ANKH: variants seen among roughly 807,000 people sequenced by gnomAD.
ANKH encodes the protein mineralization regulator ANKH.
ANKH carries 15 observed loss-of-function variants against 49.0 expected under a neutral mutation model. The ratio of observed to expected loss-of-function variants is 0.31; its 90% confidence interval spans 0.20 to 0.47. ANKH has a LOEUF of 0.47. Ranked by LOEUF, ANKH falls within the 20% of genes least tolerant of loss-of-function variation. The pLI is 1.00. For synonymous variants in ANKH, 273 were observed against 260.0 expected (o/e 1.05, Z -0.48); for missense variants, 429 against 652.0 (o/e 0.66, Z 3.72).
chr5:14,818,095 A>AC (rs397934751), intron 1 of ANKH, among the ~76,000 whole-genome samples: 2 of 149,420 alleles, frequency 1.3e-5, no homozygotes, highest in Admixed American at 6.7e-5. Flanking sequence ...AAAAAAAAAA[A>AC]CCCAATGGCT....
chr5:14,849,345 TC>T (rs1362892887), intron 1 of ANKH, among the ~76,000 whole-genome samples: 1 of 152,202 alleles, frequency 6.6e-6, no homozygotes, highest in African/African-American at 2.4e-5. Context: ...AAACTCAGGA[TC>T]CCTTAAAGCA....
Position 14,745,174 on chromosome 5 carries a change from C to T in ANKH, c.915+696G>A, listed in dbSNP as rs1288192901. ...TTCCTTCCTGTGTATCATTTTAAAA[C>T]ACTGTAGACTATTTTTGGAGTATGT... On this transcript the variant is annotated intron_variant, in intron 7 of 11. Transcript: ENST00000284268. This position sits in a 1 kb window ranked among gnomAD's most constrained non-coding sequence, Gnocchi z 4.7. Among the ~76,000 whole-genome samples the T allele has an allele frequency of 2.0e-5, 3 of 152,210 alleles. No individual in the cohort carries two copies. Among genetic ancestry groups the T allele is most frequent in the Non-Finnish European group, 4.4e-5 (3 of 68,038 alleles).
At chr5:14,784,350 G>A (rs1739904718) in intron 1 of ANKH, among the ~76,000 whole-genome samples, 1 of 152,188 alleles carries the variant, frequency 6.6e-6, no homozygotes, top group Non-Finnish European at 1.5e-5. Flanking sequence ...GAGACTGCCA[G>A]CCTGCCTGGT....
chr5:14,853,096 C>T (rs1483055084), intron 1 of ANKH, among the ~76,000 whole-genome samples: 1 of 152,090 alleles, frequency 6.6e-6, no homozygotes, highest in African/African-American at 2.4e-5. Context: ...GCCCTTGGCA[C>T]CAACCTCCCC....
At chr5:14,797,646 A>T in intron 1 of ANKH, 1 of 1,601,148 alleles carries the variant, frequency 6.2e-7, no homozygotes. Flanking sequence ...CCAAATCATC[A>T]GTTTCTGATC....
At chr5:14,828,971 G>A (rs1302838741) in intron 1 of ANKH, among the ~76,000 whole-genome samples, 1 of 152,110 alleles carries the variant, frequency 6.6e-6, no homozygotes, top group African/African-American at 2.4e-5. Context: ...CAGATCACGA[G>A]GTCAGCAGAT....
intron 8 of ANKH, among the ~76,000 whole-genome samples, chr5:14,717,886 GT>G (rs1737530006): frequency 6.6e-6 from 1 of 152,210 alleles, no homozygotes; most frequent in Non-Finnish European, 1.5e-5. Context: ...GCGCTCAAAA[GT>G]TTCAGATTTT....
At chr5:14,750,047 A>G (rs1738662095) in intron 5 of ANKH, among the ~76,000 whole-genome samples, 1 of 152,184 alleles carries the variant, frequency 6.6e-6, no homozygotes, top group Non-Finnish European at 1.5e-5. Flanking sequence ...GTCAAGACCA[A>G]TTTGTGGTTG....
intron 1 of ANKH, among the ~76,000 whole-genome samples, chr5:14,867,894 A>G (rs1306937808): frequency 6.6e-6 from 1 of 152,156 alleles, no homozygotes; most frequent in Non-Finnish European, 1.5e-5. Flanking sequence ...AGCTTTTTTT[A>G]GTACAAAATT....
chr5:14,871,529 GGGCGAGC>G lies in ANKH; in HGVS notation c.-89_-83del, dbSNP rs1735827791. 2.7e-6 allele frequency: 3 copies of G among 1,100,020 alleles called. No homozygotes were observed. Among genetic ancestry groups the G allele is most frequent in the Non-Finnish European group, 3.8e-6 (3 of 792,502 alleles). 68.1% of individuals were successfully genotyped at this position (1,100,020 alleles called of 1,614,324 possible). A position where few individuals can be genotyped will look rare whatever the true frequency, so the allele number is the denominator to read the frequency against. Reference sequence around the variant, plus strand: ...GGAGGCGAGGGGCGACGGGGCGACGGGGCGAGCGGGGCGCGGGCCGACAGAGGCCGCG... The same window carrying G: ...GGAGGCGAGGGGCGACGGGGCGACGGGGGGCGCGGGCCGACAGAGGCCGCG... On this transcript the variant is annotated 5_prime_UTR_variant, in exon 1 of 12. Transcript: ENST00000284268.
At position 14,707,890 on chromosome 5, in the gene ANKH, C is replaced by T. The variant is rs573712185; in HGVS notation, c.*3307G>A. 40 of 152,192 alleles carry T rather than the reference C, an allele frequency of 2.6e-4. No homozygotes were observed. The highest frequency in any genetic ancestry group is 1.2e-3 in the South Asian group (6 of 4,822). 9.4% of individuals were successfully genotyped at this position (152,192 alleles called of 1,614,324 possible). A position where few individuals can be genotyped will look rare whatever the true frequency, so the allele number is the denominator to read the frequency against. On this transcript the variant is annotated 3_prime_UTR_variant, in exon 12 of 12. Coordinates refer to ENST00000284268, the MANE Select transcript of ANKH (RefSeq NM_054027.6). The stretch of plus-strand genomic sequence containing the variant: ...GAGTAACTTTGGCACAAGACAAACC[C>T]GATGCAGGCAGTCATGGGGGATGAC...
chr5:14,739,895 T>C (rs1738301088), intron 8 of ANKH, among the ~76,000 whole-genome samples: 1 of 152,204 alleles, frequency 6.6e-6, no homozygotes, highest in Non-Finnish European at 1.5e-5. Flanking sequence ...AAGTCACAGA[T>C]GGTTTTTAGA....
At position 14,745,757 on chromosome 5, in the gene ANKH, T is replaced by C; in HGVS notation, c.915+113A>G. The stretch of plus-strand genomic sequence containing the variant: ...AATGCCCCCAACGTCACATTAACCT[T>C]ACAAAGGGAAGCAGGACTGAGAAGC... On this transcript the variant is annotated intron_variant, in intron 7 of 11. Coordinates refer to ENST00000284268, the MANE Select transcript of ANKH (RefSeq NM_054027.6). The surrounding 1 kb of genome is among the most constrained non-coding windows in gnomAD (Gnocchi z 4.7). 1 of 932,488 alleles carries C rather than the reference T, an allele frequency of 1.1e-6. No individual in the cohort carries two copies. The highest frequency in any genetic ancestry group is 1.7e-6 in the Non-Finnish European group (1 of 575,356). 57.8% of individuals were successfully genotyped at this position (932,488 alleles called of 1,614,324 possible).
chr5:14,774,444 A>T (rs549736311), intron 1 of ANKH, among the ~76,000 whole-genome samples: 39 of 151,624 alleles, frequency 2.6e-4, no homozygotes, highest in Admixed American at 6.6e-4. Context: ...TATTATTATT[A>T]TTTTTTTCCT....
At chr5:14,845,439 G>A (rs1741932609) in intron 1 of ANKH, among the ~76,000 whole-genome samples, 1 of 152,068 alleles carries the variant, frequency 6.6e-6, no homozygotes, top group Non-Finnish European at 1.5e-5. Flanking sequence ...AATGGTAAGT[G>A]TGTTTAGAAG....
At chr5:14,776,740 G>A (rs144448062) in intron 1 of ANKH, among the ~76,000 whole-genome samples, 135 of 152,306 alleles carry the variant, frequency 8.9e-4, no homozygotes, top group Non-Finnish European at 1.5e-3. Flanking sequence ...TAGGCCTCGA[G>A]GCAGACGGCC....
intron 1 of ANKH, among the ~76,000 whole-genome samples, chr5:14,815,739 G>A (rs1173480828): frequency 6.6e-6 from 1 of 152,170 alleles, no homozygotes; most frequent in African/African-American, 2.4e-5. Context: ...ACAAAGACAG[G>A]GGCCATGAGC....
intron 4 of ANKH, among the ~76,000 whole-genome samples, chr5:14,755,188 A>G (rs147442634): frequency 0.021 from 3,163 of 152,316 alleles, 69 homozygotes; most frequent in Non-Finnish European, 0.028. Flanking sequence ...TTTATAAATC[A>G]TAAGAATTCA....
chr5:14,858,686 A>C (rs1199353590), intron 1 of ANKH, among the ~76,000 whole-genome samples: 2 of 151,688 alleles, frequency 1.3e-5, no homozygotes, highest in African/African-American at 4.8e-5. Context: ...ACTGCACTCC[A>C]GCCTGGGCAA....
Sources: gnomAD v4.1 joint callset for allele counts (sites outside exome capture counted in the v4.1 genomes callset) on GRCh38, gnomAD v4.1.1 for gene constraint, Gnocchi (gnomAD v3.1) non-coding constraint, MANE v1.5 for transcripts, NCBI Gene and HGNC (gene_info 2026-07-23, HGNC 2026-07-21) for gene names.